Variants in INVS observed in about 807,000 individuals in gnomAD.
INVS encodes inversin, also known as inversion of embryo turning homolog.
INVS carries 86 observed loss-of-function variants against 108.8 expected under a neutral mutation model. The observed-to-expected ratio is 0.79, with a 90% CI of 0.66 to 0.95. The LOEUF is 0.95. Among genes scored for constraint, INVS ranks in the 40% least tolerant of loss-of-function variants. The pLI is 0.00. For synonymous variants in INVS, 455 were observed against 473.5 expected (o/e 0.96, Z 0.51); for missense variants, 1,169 against 1,297.4 (o/e 0.90, Z 1.52).
chr9:100,195,715 T>TA (rs1311830173), intron 3 of INVS, among the ~76,000 whole-genome samples: 1 of 152,136 alleles, frequency 6.6e-6, no homozygotes. Flanking sequence ...CTCGAACTCC[T>TA]AACCTCAAGT....
chr9:100,166,309 G>A (rs1446939319), intron 3 of INVS, among the ~76,000 whole-genome samples: 1 of 152,104 alleles, frequency 6.6e-6, no homozygotes, highest in Non-Finnish European at 1.5e-5. Context: ...AGGAGTTCAA[G>A]ACCAGCCCTG....
intron 3 of INVS, among the ~76,000 whole-genome samples, chr9:100,195,493 AT>A (rs71370984): frequency 2.0e-5 from 3 of 149,132 alleles, no homozygotes; most frequent in Admixed American, 6.7e-5. Context: ...ACATCAATTG[AT>A]TTTTTTTTTT....
At chr9:100,221,265 C>G (rs1588098745) in intron 3 of INVS, among the ~76,000 whole-genome samples, 1 of 151,802 alleles carries the variant, frequency 6.6e-6, no homozygotes, top group East Asian at 1.9e-4. Context: ...TTCTCTGTCC[C>G]TTCTGCTCAT....
At chr9:100,299,949 C>T (rs1833914580) in intron 16 of INVS, among the ~76,000 whole-genome samples, 1 of 152,160 alleles carries the variant, frequency 6.6e-6, no homozygotes, top group Non-Finnish European at 1.5e-5. Context: ...TTAAAAACTA[C>T]TAAACCTTTA....
At chr9:100,293,997 G>C (rs915452343) in intron 14 of INVS, among the ~76,000 whole-genome samples, 1 of 152,060 alleles carries the variant, frequency 6.6e-6, no homozygotes, top group Admixed American at 6.5e-5. Flanking sequence ...GCCAAACTCC[G>C]TCTCTACAAA....
intron 13 of INVS, among the ~76,000 whole-genome samples, chr9:100,288,716 G>C (rs1451775862): frequency 6.6e-6 from 1 of 151,880 alleles, no homozygotes; most frequent in Non-Finnish European, 1.5e-5. Context: ...TGCCTCCCAG[G>C]TTCAAGTGAT....
At chr9:100,144,195 G>A (rs1828528839) in intron 3 of INVS, among the ~76,000 whole-genome samples, 1 of 152,172 alleles carries the variant, frequency 6.6e-6, no homozygotes, top group South Asian at 2.1e-4. Flanking sequence ...GGAACTCCTG[G>A]CTGCTGTGGT....
intron 3 of INVS, among the ~76,000 whole-genome samples, chr9:100,171,310 A>G (rs1208295448): frequency 6.6e-6 from 1 of 152,188 alleles, no homozygotes; most frequent in Non-Finnish European, 1.5e-5. Context: ...TACCTAGAGT[A>G]TTCAATATAG....
rs1207690821 is a variant in INVS at position 100,126,948 on chromosome 9, T to C, written c.273+399T>C. Among the ~76,000 whole-genome samples, 4 of 152,288 alleles carry C rather than the reference T, an allele frequency of 2.6e-5. No individual in the cohort carries two copies. The South Asian group carries it at 8.3e-4, about 32-fold the overall frequency. ...TGGAATTTTTTTACTTTTCACTGTT[T>C]AAAATTTTTTCCTTAATGAGTATTA... On this transcript the variant is annotated intron_variant, in intron 3 of 16. Transcript: ENST00000262457.
At chr9:100,182,014 G>A (rs1038747931) in intron 3 of INVS, among the ~76,000 whole-genome samples, 2 of 152,172 alleles carry the variant, frequency 1.3e-5, no homozygotes, top group Non-Finnish European at 2.9e-5. Flanking sequence ...AAGCAATGGG[G>A]AAAGGATTCC....
chr9:100,179,806 A>T (rs1829825727), intron 3 of INVS, among the ~76,000 whole-genome samples: 2 of 152,214 alleles, frequency 1.3e-5, no homozygotes, highest in Admixed American at 6.5e-5. Context: ...ATAAACATCT[A>T]CAGAACTCTC....
intron 5 of INVS, 69 bp from the exon 6 acceptor site, chr9:100,239,991 A>G: frequency 1.4e-6 from 2 of 1,416,902 alleles, no homozygotes; most frequent in African/African-American, 1.4e-5. Context: ...AAAGAAAAAA[A>G]TACTTACACC....
intron 3 of INVS, among the ~76,000 whole-genome samples, chr9:100,180,319 C>A (rs976905933): frequency 2.1e-5 from 3 of 145,120 alleles, no homozygotes; most frequent in African/African-American, 7.9e-5. Context: ...AAAAACCCTT[C>A]AAAAAATCAA....
chr9:100,298,835 T>C (rs1290770288), intron 16 of INVS, among the ~76,000 whole-genome samples: 1 of 152,080 alleles, frequency 6.6e-6, no homozygotes, highest in Admixed American at 6.6e-5. Flanking sequence ...GTGGGGTAGT[T>C]AGAAACTTTC....
intron 2 of INVS, among the ~76,000 whole-genome samples, chr9:100,114,158 A>G (rs1021991180): frequency 3.3e-5 from 5 of 152,144 alleles, no homozygotes; most frequent in African/African-American, 1.2e-4. Context: ...CAGTTATTTA[A>G]TTTTGAGAAA....
At chr9:100,187,159 G>A (rs573688383) in intron 3 of INVS, among the ~76,000 whole-genome samples, 6 of 152,098 alleles carry the variant, frequency 3.9e-5, no homozygotes, top group Admixed American at 1.3e-4. Context: ...TCAAAGATCA[G>A]TTGTAAGTAT....
Position 100,292,846 on chromosome 9 carries a change from G to A in INVS, c.2589G>A (p.Glu863=). The A allele has an allele frequency of 6.2e-7, 1 of 1,614,184 alleles. No individual in the cohort carries two copies. The highest frequency in any genetic ancestry group is 8.5e-7 in the Non-Finnish European group (1 of 1,180,040). The change falls in exon 14 of 17, where the codon GAG becomes GAA. Residue 863 remains glutamate (E), a synonymous_variant. Coordinates refer to ENST00000262457, the MANE Select transcript of INVS (RefSeq NM_014425.5). The part of the protein sequence containing the change: ...EELRSGARRL[E]TSTLSEDFQV... ...TGAGGTCAGGAGCTAGGAGGCTGGA[G>A]ACATCTACCCTGTCCGAGGACTTTC...
intron 2 of INVS, chr9:100,117,272 C>T (rs1564119674): frequency 1.3e-6 from 1 of 747,050 alleles, no homozygotes; most frequent in Non-Finnish European, 2.4e-6. Context: ...GAACCTGGTG[C>T]TCTGGCCAGC....
At chr9:100,277,109 A>G (rs1318814649) in intron 12 of INVS, among the ~76,000 whole-genome samples, 1 of 152,238 alleles carries the variant, frequency 6.6e-6, no homozygotes, top group Middle Eastern at 3.2e-3. Flanking sequence ...GTCAAGTGCA[A>G]GAAGTCCTGT....
Sources: gnomAD v4.1 joint callset for allele counts (sites outside exome capture counted in the v4.1 genomes callset) on GRCh38, gnomAD v4.1.1 for gene constraint, MANE v1.5 for transcripts, NCBI Gene and HGNC (gene_info 2026-07-23, HGNC 2026-07-21) for gene names.